Variants in C1QTNF3 observed in about 807,000 individuals in gnomAD.
The protein encoded by C1QTNF3 is C1q and TNF related 3.
C1QTNF3 carries 26 observed loss-of-function variants against 32.6 expected under a neutral mutation model. The observed-to-expected ratio is 0.80, with a 90% CI of 0.58 to 1.11. The LOEUF is 1.11. Ranked by LOEUF, C1QTNF3 falls within the 50% of genes least tolerant of loss-of-function variation. The pLI, the probability that C1QTNF3 is intolerant of heterozygous loss-of-function variation, is 0.00. For missense variants in C1QTNF3, 362 were observed against 398.2 expected, an observed-to-expected ratio of 0.91 and a Z score of 0.77; for synonymous variants, 155 against 146.0, an observed-to-expected ratio of 1.06 and a Z score of -0.44.
At chr5:34,062,785 T>G in the C1QTNF3 span, among the ~76,000 whole-genome samples, 1 of 152,206 alleles carries the variant, frequency 6.6e-6, no homozygotes, top group African/African-American at 2.4e-5. Flanking sequence ...GAATTTTCAG[T>G]GGCTAATGTT....
the C1QTNF3 span, among the ~76,000 whole-genome samples, chr5:34,153,802 C>T: frequency 1.1e-5 from 1 of 93,136 alleles, no homozygotes; most frequent in African/African-American, 4.3e-5. Flanking sequence ...CACATGTATA[C>T]ATATGTAACT....
At chr5:34,211,620 G>C in the C1QTNF3 span, among the ~76,000 whole-genome samples, 14 of 140,490 alleles carry the variant, frequency 1.0e-4, no homozygotes, top group Non-Finnish European at 1.6e-4. Context: ...CAATTCCCAC[G>C]TATGAGTGAG....
the C1QTNF3 span, among the ~76,000 whole-genome samples, chr5:34,153,728 G>T: frequency 4.0e-5 from 4 of 100,378 alleles, no homozygotes; most frequent in East Asian, 9.2e-4. Flanking sequence ...AGGGGGGAGG[G>T]ATAGCATTGG....
chr5:34,146,777 C>A, the C1QTNF3 span, among the ~76,000 whole-genome samples: 4 of 152,156 alleles, frequency 2.6e-5, no homozygotes, highest in African/African-American at 7.2e-5. Context: ...GCTAAGTCCC[C>A]AAAAGGAATT....
chr5:34,239,024 T>A, the C1QTNF3 span, among the ~76,000 whole-genome samples: 1 of 152,200 alleles, frequency 6.6e-6, no homozygotes, highest in South Asian at 2.1e-4. Context: ...CAGGCAAGAA[T>A]TTCATATTTC....
At chr5:34,159,285 A>T in the C1QTNF3 span, among the ~76,000 whole-genome samples, 1 of 152,116 alleles carries the variant, frequency 6.6e-6, no homozygotes, top group African/African-American at 2.4e-5. Flanking sequence ...TTGAACAAAG[A>T]CATGCAACTC....
chr5:34,119,562 T>A, the C1QTNF3 span, among the ~76,000 whole-genome samples: 30 of 152,258 alleles, frequency 2.0e-4, no homozygotes, highest in Admixed American at 1.4e-3. Context: ...CTTATGACCT[T>A]ACAGATCTGG....
the C1QTNF3 span, among the ~76,000 whole-genome samples, chr5:34,170,715 T>C: frequency 6.6e-6 from 1 of 152,188 alleles, no homozygotes; most frequent in African/African-American, 2.4e-5. Context: ...GTTGGTATAA[T>C]TTCCTACGGT....
Position 34,035,652 on chromosome 5 carries a change from A to C in C1QTNF3, c.410T>G (p.Ile137Ser). The stretch of plus-strand genomic sequence containing the variant: ...TATGTCTTGCTCATCCTTACCTGGA[A>C]TGCCAGGAGGGCCCGGTGGCCCAGG... ...GPPGPPGPPGIPGNHGNNGNN... is the reference protein window; with the variant it reads ...GPPGPPGPPGSPGNHGNNGNN... The change falls in exon 2 of 6, where the codon ATT (isoleucine) becomes AGT (serine). Residue 137 changes from isoleucine to serine, a missense_variant. By Grantham distance (142) the Ile-to-Ser change is moderately radical. Transcript: ENST00000382065. The C allele has an allele frequency of 1.2e-6, 2 of 1,608,648 alleles. No homozygotes were observed.
At chr5:34,046,283 T>C (rs578261045), upstream of C1QTNF3, among the ~76,000 whole-genome samples, 21 of 152,334 alleles carry the variant, frequency 1.4e-4, no homozygotes, top group South Asian at 4.4e-3. Context: ...GACTCATGCC[T>C]GAGTCATGAA....
the C1QTNF3 span, among the ~76,000 whole-genome samples, chr5:34,132,721 T>C: frequency 3.9e-5 from 6 of 152,080 alleles, no homozygotes; most frequent in Admixed American, 2.6e-4. Flanking sequence ...TGAGATGTGA[T>C]TGATGGATGC....
chr5:34,159,365 C>A, the C1QTNF3 span, among the ~76,000 whole-genome samples: 2 of 151,988 alleles, frequency 1.3e-5, no homozygotes, highest in African/African-American at 4.8e-5. Context: ...ATTTTAATGT[C>A]TCTTTTTTAC....
At chr5:34,108,181 C>T in the C1QTNF3 span, among the ~76,000 whole-genome samples, 4 of 151,944 alleles carry the variant, frequency 2.6e-5, no homozygotes, top group African/African-American at 9.7e-5. Context: ...TTTGTTATCG[C>T]TATATTATAT....
chr5:34,176,645 G>C, the C1QTNF3 span, among the ~76,000 whole-genome samples: 1 of 152,148 alleles, frequency 6.6e-6, no homozygotes, highest in Non-Finnish European at 1.5e-5. Context: ...CACTTTGGGA[G>C]ATGGAGGTGG....
At chr5:34,056,233 A>G in the C1QTNF3 span, among the ~76,000 whole-genome samples, 1 of 151,866 alleles carries the variant, frequency 6.6e-6, no homozygotes, top group Non-Finnish European at 1.5e-5. Flanking sequence ...GGGAAGGGAA[A>G]AAAAGGGGAG....
chr5:34,202,704 A>G, the C1QTNF3 span, among the ~76,000 whole-genome samples: 1 of 152,170 alleles, frequency 6.6e-6, no homozygotes, highest in African/African-American at 2.4e-5. Context: ...ACATTGTATT[A>G]TTTTGTTGCA....
At chr5:34,207,028 C>T in the C1QTNF3 span, among the ~76,000 whole-genome samples, 1 of 152,128 alleles carries the variant, frequency 6.6e-6, no homozygotes, top group African/African-American at 2.4e-5. Context: ...CATTTTCATG[C>T]CAGGGACAAT....
chr5:34,223,470 C>T, the C1QTNF3 span, among the ~76,000 whole-genome samples: 1 of 149,624 alleles, frequency 6.7e-6, no homozygotes, highest in African/African-American at 2.5e-5. Flanking sequence ...AATAGTGCCG[C>T]AATAAACATA....
chr5:34,197,545 C>A, the C1QTNF3 span, among the ~76,000 whole-genome samples: 6 of 151,982 alleles, frequency 3.9e-5, no homozygotes, highest in African/African-American at 1.5e-4. Flanking sequence ...TTAAAAATTA[C>A]CCTAAAACTT....
Sources: allele counts gnomAD v4.1 joint callset (sites outside exome capture counted in the v4.1 genomes callset), GRCh38; gene constraint gnomAD v4.1.1; transcripts MANE v1.5; gene names NCBI Gene and HGNC (gene_info 2026-07-23, HGNC 2026-07-21).